RPS6KC1: variants seen among roughly 807,000 people sequenced by gnomAD.
RPS6KC1 encodes inactive ribosomal protein S6 kinase delta-1.
Under a neutral mutation model 103.8 loss-of-function variants are expected in RPS6KC1, and 54 were observed. That is an observed-to-expected ratio of 0.52 (90% CI 0.42 to 0.65). RPS6KC1 has a LOEUF of 0.65. RPS6KC1 is among the 30% of genes least tolerant of loss of function. RPS6KC1 has a pLI of 0.00. For missense variants in RPS6KC1, 1,151 were observed against 1,253.8 expected (o/e 0.92, Z 1.24); for synonymous variants, 439 against 438.7 (o/e 1.00, Z -0.01).
At chr1:213,135,841 A>G (rs1459773601) in intron 6 of RPS6KC1, among the ~76,000 whole-genome samples, 1 of 152,208 alleles carries the variant, frequency 6.6e-6, no homozygotes, top group Non-Finnish European at 1.5e-5. Context: ...TTCAGAGAGA[A>G]GACTTACAGA....
chr1:213,462,348 G>C, the RPS6KC1 span, among the ~76,000 whole-genome samples: 2 of 152,166 alleles, frequency 1.3e-5, no homozygotes, highest in Non-Finnish European at 2.9e-5. Flanking sequence ...AAGACAGTGT[G>C]GCAATTCCTC....
chr1:213,743,575 C>T, the RPS6KC1 span, among the ~76,000 whole-genome samples: 1 of 152,200 alleles, frequency 6.6e-6, no homozygotes, highest in South Asian at 2.1e-4. Context: ...AGCCTGACTT[C>T]AATGCCATTT....
chr1:213,701,713 G>A, the RPS6KC1 span, among the ~76,000 whole-genome samples: 1 of 151,940 alleles, frequency 6.6e-6, no homozygotes, highest in Non-Finnish European at 1.5e-5. Context: ...GTCACTCATT[G>A]CAGCCACTAA....
At chr1:213,799,088 A>C in the RPS6KC1 span, among the ~76,000 whole-genome samples, 7 of 152,328 alleles carry the variant, frequency 4.6e-5, no homozygotes, top group African/African-American at 1.7e-4. Context: ...CTAAGTGTTC[A>C]TTTGGGAAAG....
chr1:213,444,628 G>A, the RPS6KC1 span, among the ~76,000 whole-genome samples: 1 of 151,308 alleles, frequency 6.6e-6, no homozygotes, highest in African/African-American at 2.4e-5. Context: ...GTGGTGGTGT[G>A]CACCTGTAAT....
chr1:213,244,210 C>A (rs1034214229), intron 12 of RPS6KC1, among the ~76,000 whole-genome samples: 6 of 150,468 alleles, frequency 4.0e-5, no homozygotes, highest in Non-Finnish European at 8.9e-5. Context: ...AAAAAAAAAA[C>A]CAGATCCTCC....
At chr1:213,057,332 T>G (rs1471860308) in intron 1 of RPS6KC1, among the ~76,000 whole-genome samples, 5 of 152,196 alleles carry the variant, frequency 3.3e-5, no homozygotes, top group Admixed American at 1.3e-4. Context: ...GAGGCAGCGC[T>G]TTGCTTTTCA....
chr1:213,305,594 A>G, the RPS6KC1 span, among the ~76,000 whole-genome samples: 2 of 152,294 alleles, frequency 1.3e-5, no homozygotes, highest in East Asian at 1.9e-4. Flanking sequence ...GATGGTGCCC[A>G]TGGCTGGGCA....
chr1:213,375,208 TACATACATACATATTC>T, the RPS6KC1 span, among the ~76,000 whole-genome samples: 4 of 151,452 alleles, frequency 2.6e-5, no homozygotes, highest in Non-Finnish European at 4.4e-5. Context: ...TATACACATA[TACATACATACATATTC>T]ACATACATAC....
At chr1:213,589,749 T>C in the RPS6KC1 span, among the ~76,000 whole-genome samples, 1 of 152,116 alleles carries the variant, frequency 6.6e-6, no homozygotes, top group South Asian at 2.1e-4. Context: ...GTACCACCCA[T>C]TAACCTTCTA....
the RPS6KC1 span, among the ~76,000 whole-genome samples, chr1:213,287,121 G>A: frequency 1.3e-5 from 2 of 152,140 alleles, no homozygotes; most frequent in African/African-American, 4.8e-5. Flanking sequence ...GTGATAAAAT[G>A]ATTTTTAAAA....
chr1:213,099,419 C>T (rs1044659527), intron 3 of RPS6KC1, among the ~76,000 whole-genome samples: 3 of 152,076 alleles, frequency 2.0e-5, no homozygotes, highest in African/African-American at 7.2e-5. Context: ...TGTTTTTATG[C>T]ATTTCAGCAT....
At chr1:213,451,086 C>T in the RPS6KC1 span, among the ~76,000 whole-genome samples, 1 of 152,206 alleles carries the variant, frequency 6.6e-6, no homozygotes, top group East Asian at 1.9e-4. Flanking sequence ...AAAGAGCACT[C>T]ACCCGTGGGT....
At chr1:213,212,807 A>G (rs889030730) in intron 8 of RPS6KC1, among the ~76,000 whole-genome samples, 3 of 152,124 alleles carry the variant, frequency 2.0e-5, no homozygotes, top group African/African-American at 7.2e-5. Flanking sequence ...TCTTGTTTCA[A>G]TTTGCACTTT....
chr1:213,132,428 C>A (rs1169204900), intron 6 of RPS6KC1, among the ~76,000 whole-genome samples: 2 of 152,114 alleles, frequency 1.3e-5, no homozygotes, highest in Non-Finnish European at 2.9e-5. Flanking sequence ...TATAAAAGAA[C>A]CTTTGTTTCA....
At chr1:213,767,154 C>T in the RPS6KC1 span, among the ~76,000 whole-genome samples, 9 of 152,126 alleles carry the variant, frequency 5.9e-5, no homozygotes, top group Admixed American at 3.3e-4. Context: ...TATCACTTCC[C>T]GACTAAGCTT....
the RPS6KC1 span, among the ~76,000 whole-genome samples, chr1:213,517,177 A>C: frequency 7.7e-6 from 1 of 129,492 alleles, no homozygotes; most frequent in East Asian, 2.9e-4. Context: ...TCAAAAAACC[A>C]GCTCCTGGAT....
the RPS6KC1 span, among the ~76,000 whole-genome samples, chr1:213,530,013 A>G: frequency 6.9e-6 from 1 of 144,170 alleles, no homozygotes; most frequent in South Asian, 2.3e-4. Flanking sequence ...AGCCCCTACG[A>G]GAATTTTCCT....
the RPS6KC1 span, among the ~76,000 whole-genome samples, chr1:213,326,212 A>G: frequency 1.3e-5 from 2 of 152,184 alleles, no homozygotes; most frequent in African/African-American, 4.8e-5. Flanking sequence ...AGAAAAAAAA[A>G]GAAAAAAGAA....
Sources: gnomAD v4.1 joint callset for allele counts (sites outside exome capture counted in the v4.1 genomes callset) on GRCh38, gnomAD v4.1.1 for gene constraint, MANE v1.5 for transcripts, NCBI Gene and HGNC (gene_info 2026-07-23, HGNC 2026-07-21) for gene names.